The following TRAP1 variants were observed in gnomAD, a reference collection of about 807,000 sequenced individuals.
The protein encoded by TRAP1 is heat shock protein 75 kDa, mitochondrial.
Under a neutral mutation model 89.1 loss-of-function variants are expected in TRAP1, and 102 were observed. That is an observed-to-expected ratio of 1.15 (90% CI 0.98 to 1.35). The LOEUF is 1.35. TRAP1 is among the 40% of genes most tolerant of loss of function. The pLI is 0.00. For synonymous variants in TRAP1, 508 were observed against 388.0 expected, an observed-to-expected ratio of 1.31 and a Z score of -3.64; for missense variants, 1,256 against 945.3, an observed-to-expected ratio of 1.33 and a Z score of -4.31.
At chr16:3,692,616 G>C (rs1201301557) in intron 1 of TRAP1, among the ~76,000 whole-genome samples, 1 of 47,654 alleles carries the variant, frequency 2.1e-5, no homozygotes, top group Non-Finnish European at 4.5e-5. Context: ...TTTTTTTTTT[G>C]AGATGAAGTC....
rs753576025 is a variant in TRAP1 at position 3,666,170 on chromosome 16, A to C, written c.1236-52T>G. ...ATACAAGCAGCCTCTATGAAATACA[A>C]ATGGCCAGAGGGTACGAAAAAATGT... On this transcript the variant is annotated intron_variant, in intron 11 of 17. Transcript: ENST00000246957. 4 of 1,573,148 alleles carry C rather than the reference A, an allele frequency of 2.5e-6. No homozygotes were observed. The African/African-American group carries it at 4.1e-5, about 16-fold the overall frequency.
At chr16:3,674,964 G>A (rs1183924686) in intron 8 of TRAP1, 5 of 331,998 alleles carry the variant, frequency 1.5e-5, no homozygotes, top group African/African-American at 8.4e-5. Flanking sequence ...CTGGGGGAGG[G>A]GCAGTGGGGA....
chr16:3,674,527 G>C (rs2050961165), intron 8 of TRAP1, 33 bp from the exon 9 acceptor site: 1 of 1,608,366 alleles, frequency 6.2e-7, no homozygotes, highest in East Asian at 2.2e-5. Flanking sequence ...AGGGCGTCGT[G>C]TTCACCACGC....
chr16:3,698,478 A>G (rs1346698346), intron 1 of TRAP1, among the ~76,000 whole-genome samples: 1 of 151,286 alleles, frequency 6.6e-6, no homozygotes, highest in Admixed American at 6.6e-5. Context: ...AATTTTTTGT[A>G]TTTTTAGTAG....
intron 5 of TRAP1, chr16:3,678,447 GTTTT>G (rs892671204): frequency 2.0e-5 from 3 of 151,140 alleles, no homozygotes; most frequent in African/African-American, 7.3e-5. Flanking sequence ...GTTAGGGTGG[GTTTT>G]TTGTTTGTTG....
At chr16:3,671,224 CAT>C (rs898266679) in intron 11 of TRAP1, among the ~76,000 whole-genome samples, 2 of 152,172 alleles carry the variant, frequency 1.3e-5, no homozygotes, top group African/African-American at 4.8e-5. Flanking sequence ...CAACAGCAGT[CAT>C]CTCTAGGTGA....
intron 1 of TRAP1, among the ~76,000 whole-genome samples, chr16:3,704,653 G>C (rs1466458517): frequency 6.6e-6 from 1 of 151,808 alleles, no homozygotes; most frequent in Non-Finnish European, 1.5e-5. Context: ...AGGAGCTCGA[G>C]GCCAGCCTAG....
intron 4 of TRAP1, among the ~76,000 whole-genome samples, chr16:3,683,642 T>C (rs1276508855): frequency 6.6e-6 from 1 of 151,762 alleles, no homozygotes; most frequent in Non-Finnish European, 1.5e-5. Context: ...CACCTTGGCC[T>C]CTCAAAGTGC....
chr16:3,674,845 C>T (rs531390014), intron 8 of TRAP1: 8 of 357,472 alleles, frequency 2.2e-5, no homozygotes, highest in Admixed American at 4.3e-5. Flanking sequence ...GCAGCTGAGC[C>T]GCGAGGGGGA....
chr16:3,663,024 A>G (rs2043173623), intron 14 of TRAP1, 57 bp from the exon 15 acceptor site: 5 of 1,402,044 alleles, frequency 3.6e-6, no homozygotes, highest in South Asian at 1.2e-5. Context: ...CCCGGCTTCC[A>G]TGGGGGCCAC....
rs533798158 is a variant in TRAP1 at position 3,708,501 on chromosome 16, G to C, written c.88+8920C>G. ...AAAATACAAAAATTAGCCGGGCGTG[G>C]TGACGGGTGCCTGTAGTCCCAGCTA... On this transcript the variant is annotated intron_variant, in intron 1 of 17. Coordinates refer to ENST00000246957, the MANE Select transcript of TRAP1 (RefSeq NM_016292.3). Among the ~76,000 whole-genome samples the C allele has an allele frequency of 3.9e-5, 6 of 152,168 alleles. No homozygotes were observed. In the South Asian group the frequency reaches 6.2e-4, roughly 16 times the overall value.
intron 1 of TRAP1, among the ~76,000 whole-genome samples, chr16:3,707,312 A>G (rs2051461712): frequency 2.0e-5 from 3 of 148,244 alleles, no homozygotes; most frequent in Admixed American, 2.0e-4. Context: ...CAGCCTCCCA[A>G]GTAGCTGGGA....
chr16:3,675,937 C>T, intron 7 of TRAP1, 99 bp downstream of exon 7: 2 of 1,073,794 alleles, frequency 1.9e-6, no homozygotes, highest in Non-Finnish European at 2.7e-6. Flanking sequence ...GCCTGTGCAC[C>T]CTACGTGCAG....
chr16:3,679,687 AG>A, intron 5 of TRAP1, 31 bp downstream of exon 5: 7 of 1,612,288 alleles, frequency 4.3e-6, no homozygotes, highest in Non-Finnish European at 5.9e-6. Context: ...CCTGAGGGGA[AG>A]GGGGAGGCTG....
intron 4 of TRAP1, among the ~76,000 whole-genome samples, chr16:3,682,902 C>G (rs967665396): frequency 6.6e-6 from 1 of 152,076 alleles, no homozygotes; most frequent in Non-Finnish European, 1.5e-5. Flanking sequence ...GGTGCGGTAG[C>G]TCATGCCTAT....
At position 3,658,107 on chromosome 16, in the gene TRAP1, A is replaced by C; in HGVS notation, c.*22T>G. 5 of 1,612,970 alleles carry C rather than the reference A, an allele frequency of 3.1e-6. No individual in the cohort carries two copies. The highest frequency in any genetic ancestry group is 4.2e-6 in the Non-Finnish European group (5 of 1,179,070). ...AGGTGGGGCTGTCATCTGTGGTGTC[A>C]GTCCTTCTGGCCCCCTGGCTGTCAG... On this transcript the variant is annotated 3_prime_UTR_variant, in exon 18 of 18. Coordinates refer to ENST00000246957, the MANE Select transcript of TRAP1 (RefSeq NM_016292.3).
intron 1 of TRAP1, 68 bp from the exon 2 acceptor site, chr16:3,691,053 C>A: frequency 7.3e-7 from 1 of 1,370,788 alleles, no homozygotes; most frequent in South Asian, 1.7e-5. Flanking sequence ...GTAATTCGTC[C>A]CATCAAGGGT....
Position 3,658,183 on chromosome 16 carries a change from C to T in TRAP1, c.2061G>A (p.Arg687=). The T allele has an allele frequency of 2.5e-6, 4 of 1,614,082 alleles. No individual in the cohort carries two copies. The Admixed American group carries it at 6.7e-5, about 27-fold the overall frequency. ...MIAAGLVDDP[R]AMVGRLNELL... ...GCTCATTCAAGCGGCCCACCATGGC[C>T]CTAGGGTCGTCAACAAGTCCAGCAG... Residue 687 remains arginine (R), a synonymous_variant, in exon 18 of 18, where the codon AGG becomes AGA. Transcript: ENST00000246957.
At chr16:3,670,924 T>C (rs928010358) in intron 11 of TRAP1, among the ~76,000 whole-genome samples, 3 of 152,004 alleles carry the variant, frequency 2.0e-5, no homozygotes, top group African/African-American at 7.3e-5. Flanking sequence ...CCAGTGCCTC[T>C]CGGTGTGGGC....
Sources: gnomAD v4.1 joint callset for allele counts (sites outside exome capture counted in the v4.1 genomes callset) on GRCh38, gnomAD v4.1.1 for gene constraint, MANE v1.5 for transcripts, NCBI Gene and HGNC (gene_info 2026-07-23, HGNC 2026-07-21) for gene names.